Variants in EEIG1 observed in about 807,000 individuals in gnomAD.
The protein encoded by EEIG1 is early estrogen-induced gene 1 protein.
chr9:127,945,779 T>G, the EEIG1 span: 13 of 1,490,718 alleles, frequency 8.7e-6, no homozygotes, highest in Non-Finnish European at 1.2e-5. The surrounding 1 kb of genome is among the most constrained non-coding windows in gnomAD (Gnocchi z 6.5). Context: ...GGGCAGGGGG[T>G]GAGGTGACAG....
the EEIG1 span, among the ~76,000 whole-genome samples, chr9:127,950,077 C>G: frequency 6.6e-6 from 1 of 152,194 alleles, no homozygotes; most frequent in Non-Finnish European, 1.5e-5. Context: ...CCATTTGAAG[C>G]TGGGACTAAT....
the EEIG1 span, among the ~76,000 whole-genome samples, chr9:127,968,700 C>T: frequency 6.6e-6 from 1 of 152,174 alleles, no homozygotes; most frequent in African/African-American, 2.4e-5. Context: ...CCTAAGGTTC[C>T]CTGGACTTCT....
At chr9:127,950,545 A>T in the EEIG1 span, 7 of 1,613,276 alleles carry the variant, frequency 4.3e-6, no homozygotes, top group African/African-American at 2.7e-5. Flanking sequence ...CCCAGCTAGG[A>T]GGTGAGAGGA....
At chr9:127,978,147 C>T in the EEIG1 span, among the ~76,000 whole-genome samples, 1 of 152,186 alleles carries the variant, frequency 6.6e-6, no homozygotes, top group South Asian at 2.1e-4. Context: ...CCCAACAGAA[C>T]AGGGAGCCAG....
the EEIG1 span, among the ~76,000 whole-genome samples, chr9:127,957,750 C>T: frequency 6.6e-6 from 1 of 152,246 alleles, no homozygotes; most frequent in Non-Finnish European, 1.5e-5. Context: ...AGCATTAGGA[C>T]AGACACAAAT....
chr9:127,953,984 TGTG>T, the EEIG1 span: 1 of 1,603,398 alleles, frequency 6.2e-7, no homozygotes. Flanking sequence ...GGGGACTCCA[TGTG>T]GTACCAGGGA....
the EEIG1 span, chr9:127,948,323 G>A: frequency 5.7e-4 from 913 of 1,612,966 alleles, 4 homozygotes; most frequent in African/African-American, 0.01. Context: ...CCTAGTGCCC[G>A]GGACTGGGCT....
At chr9:127,962,031 G>T in the EEIG1 span, among the ~76,000 whole-genome samples, 193 of 152,340 alleles carry the variant, frequency 1.3e-3, 4 homozygotes, top group East Asian at 0.021. Flanking sequence ...AAAGTGGGAA[G>T]TAATGAGGAC....
At chr9:127,968,729 T>G in the EEIG1 span, among the ~76,000 whole-genome samples, 1 of 152,174 alleles carries the variant, frequency 6.6e-6, no homozygotes, top group Non-Finnish European at 1.5e-5. Flanking sequence ...CAGGAGATAA[T>G]TGTGAATCGC....
chr9:127,972,273 A>G, the EEIG1 span, among the ~76,000 whole-genome samples: 1 of 152,062 alleles, frequency 6.6e-6, no homozygotes, highest in Non-Finnish European at 1.5e-5. This position sits in a 1 kb window ranked among gnomAD's most constrained non-coding sequence, Gnocchi z 4.3. Flanking sequence ...GGGGACCCTG[A>G]GCTCAGACAC....
chr9:127,966,157 G>T, the EEIG1 span, among the ~76,000 whole-genome samples: 1 of 152,200 alleles, frequency 6.6e-6, no homozygotes, highest in Non-Finnish European at 1.5e-5. Flanking sequence ...GATGGAAAAG[G>T]GGCAGGGCAT....
chr9:127,963,581 G>C, the EEIG1 span: 4 of 152,474 alleles, frequency 2.6e-5, no homozygotes, highest in African/African-American at 9.6e-5. Context: ...GGAAACAGCA[G>C]AACACCCCAC....
At chr9:127,978,613 G>T in the EEIG1 span, among the ~76,000 whole-genome samples, 6 of 125,400 alleles carry the variant, frequency 4.8e-5, no homozygotes, top group African/African-American at 1.7e-4. Context: ...GGGGTGCGGG[G>T]TGGATCATTT....
At chr9:127,966,012 T>A in the EEIG1 span, among the ~76,000 whole-genome samples, 2 of 151,932 alleles carry the variant, frequency 1.3e-5, no homozygotes, top group Non-Finnish European at 2.9e-5. Context: ...CCCAAAACGC[T>A]CTTTGTTCCC....
At chr9:127,957,203 T>C in the EEIG1 span, among the ~76,000 whole-genome samples, 1 of 150,860 alleles carries the variant, frequency 6.6e-6, no homozygotes, top group Non-Finnish European at 1.5e-5. Flanking sequence ...TACTCCAGCC[T>C]GGGCAACAGA....
chr9:127,945,736 C>T, the EEIG1 span: 22 of 1,571,452 alleles, frequency 1.4e-5, no homozygotes, highest in Admixed American at 3.7e-5. The surrounding 1 kb of genome is among the most constrained non-coding windows in gnomAD (Gnocchi z 6.5). Flanking sequence ...AGGTTCTGGT[C>T]GGGTTCCTCT....
At chr9:127,943,344 G>T in the EEIG1 span, 1 of 1,088,042 alleles carries the variant, frequency 9.2e-7, no homozygotes, top group Non-Finnish European at 1.4e-6. Context: ...CTGTTAACCA[G>T]CCCTGTGTTG....
the EEIG1 span, among the ~76,000 whole-genome samples, chr9:127,979,771 G>A: frequency 1.3e-5 from 2 of 152,226 alleles, no homozygotes; most frequent in Non-Finnish European, 2.9e-5. Flanking sequence ...AGGGCCCCAA[G>A]AGAAGGCTGA....
At chr9:127,952,248 A>G in the EEIG1 span, among the ~76,000 whole-genome samples, 1 of 152,230 alleles carries the variant, frequency 6.6e-6, no homozygotes, top group Non-Finnish European at 1.5e-5. Context: ...GCCAGGGCAG[A>G]GTGCACTGCC....
Sources: allele counts gnomAD v4.1 joint callset (sites outside exome capture counted in the v4.1 genomes callset), GRCh38; gene constraint gnomAD v4.1.1; non-coding constraint Gnocchi (gnomAD v3.1); transcripts MANE v1.5; gene names NCBI Gene and HGNC (gene_info 2026-07-23, HGNC 2026-07-21).